KIZ: variants seen among roughly 807,000 people sequenced by gnomAD.
KIZ encodes centrosomal protein kizuna.
A neutral mutation model predicts 79.6 loss-of-function variants in KIZ; 68 were observed. The ratio of observed to expected loss-of-function variants is 0.85; its 90% CI spans 0.70 to 1.05. The LOEUF is 1.05. Ranked by LOEUF, KIZ falls within the 50% of genes least tolerant of loss-of-function variation. The probability of loss-of-function intolerance (pLI) is 0.00; values close to 1 mark genes in which losing one functional copy is unlikely to be tolerated. For missense variants in KIZ, 797 were observed against 800.4 expected (o/e 1.00, Z 0.05); for synonymous variants, 280 against 281.8 (o/e 0.99, Z 0.06).
intron 6 of KIZ, among the ~76,000 whole-genome samples, chr20:21,192,866 G>A (rs144646784): frequency 6.6e-6 from 1 of 152,342 alleles, no homozygotes; most frequent in African/African-American, 2.4e-5. Context: ...GGCCTGCAGA[G>A]TAGACAGTGG....
intron 11 of KIZ, among the ~76,000 whole-genome samples, chr20:21,243,741 G>A (rs1440222643): frequency 6.6e-6 from 1 of 152,168 alleles, no homozygotes; most frequent in African/African-American, 2.4e-5. Flanking sequence ...CCCTCTACCA[G>A]GTGTTTGTTT....
At chr20:21,165,903 A>C (rs906531868) in intron 6 of KIZ, among the ~76,000 whole-genome samples, 1 of 152,182 alleles carries the variant, frequency 6.6e-6, no homozygotes, top group Admixed American at 6.5e-5. Context: ...GGTTCAAGCT[A>C]TTCTGCCTCA....
chr20:21,204,176 C>T (rs532350887), intron 6 of KIZ, among the ~76,000 whole-genome samples: 4 of 117,366 alleles, frequency 3.4e-5, no homozygotes, highest in East Asian at 2.8e-4. Context: ...AGTGCAGTGG[C>T]GGGATCTCGG....
chr20:21,162,567 G>A, intron 5 of KIZ, 60 bp downstream of exon 5: 1 of 1,251,718 alleles, frequency 8.0e-7, no homozygotes, highest in Non-Finnish European at 1.1e-6. Flanking sequence ...TCTTATGTAA[G>A]GACAAAATAT....
chr20:21,186,841 T>C (rs957816298), intron 6 of KIZ, among the ~76,000 whole-genome samples: 1 of 152,110 alleles, frequency 6.6e-6, no homozygotes, highest in African/African-American at 2.4e-5. Flanking sequence ...ATTTATCCAT[T>C]CATAATACTT....
chr20:21,240,071 G>A (rs1279436847), intron 11 of KIZ, among the ~76,000 whole-genome samples: 1 of 152,132 alleles, frequency 6.6e-6, no homozygotes, highest in Non-Finnish European at 1.5e-5. Context: ...AAGCTACTGG[G>A]AAATTCTGCA....
chr20:21,162,329 C>T lies in KIZ; in HGVS notation c.864C>T (p.Thr288=), dbSNP rs141086448. 17 of 1,613,894 alleles carry T rather than the reference C, an allele frequency of 1.1e-5. No homozygotes were observed. In the African/African-American group the frequency reaches 2.3e-4, roughly 22 times the overall value. The part of the protein sequence containing the change: ...LRERLSPENR[T]TDLKCDSSSG... Reference sequence around the variant, plus strand: ...AAAGATTAAGTCCAGAGAACAGAACCACTGATTTAAAGTGTGACAGTTCCA... The same window carrying T: ...AAAGATTAAGTCCAGAGAACAGAACTACTGATTTAAAGTGTGACAGTTCCA... The change falls in exon 5 of 13, where the codon ACC becomes ACT. Residue 288 remains threonine (T), a synonymous_variant. Coordinates refer to ENST00000619189, the MANE Select transcript of KIZ (RefSeq NM_018474.6).
rs2034370023 is a variant in KIZ at position 21,174,915 on chromosome 20, C to T, written c.1352+11756C>T. ...GAACTATGTTCATTTAGAATTTACC[C>T]TGAATTCACTTTATAAGGAGCTGGA... On this transcript the variant is annotated intron_variant, in intron 6 of 12. Transcript: ENST00000619189. Among the ~76,000 whole-genome samples, 3 of 152,252 alleles carry T rather than the reference C, an allele frequency of 2.0e-5. No individual in the cohort carries two copies. In the South Asian group the frequency reaches 6.2e-4, roughly 32 times the overall value.
chr20:21,154,558 A>G (rs2033280822), intron 4 of KIZ, among the ~76,000 whole-genome samples: 2 of 152,256 alleles, frequency 1.3e-5, no homozygotes, highest in South Asian at 4.1e-4. Context: ...CTTGGATTAT[A>G]GATTTATCTC....
chr20:21,223,844 A>AT (rs2036578092), intron 9 of KIZ, among the ~76,000 whole-genome samples: 1 of 151,130 alleles, frequency 6.6e-6, no homozygotes, highest in South Asian at 2.1e-4. Context: ...TAATTTTTGT[A>AT]TTTTTGTATT....
intron 3 of KIZ, among the ~76,000 whole-genome samples, chr20:21,141,046 C>T (rs929301577): frequency 6.6e-6 from 1 of 151,888 alleles, no homozygotes; most frequent in African/African-American, 2.4e-5. Flanking sequence ...TTAAAAAAAC[C>T]CAAGAATGTA....
intron 11 of KIZ, among the ~76,000 whole-genome samples, chr20:21,240,931 A>G (rs1569008411): frequency 6.6e-6 from 1 of 152,208 alleles, no homozygotes; most frequent in Non-Finnish European, 1.5e-5. Context: ...TATGGCCCAC[A>G]AAGCCTGAAC....
intron 4 of KIZ, among the ~76,000 whole-genome samples, chr20:21,156,450 T>G (rs1186907930): frequency 6.6e-6 from 1 of 152,224 alleles, no homozygotes; most frequent in Non-Finnish European, 1.5e-5. Flanking sequence ...GACTTAACAT[T>G]GTAGTGTAAT....
chr20:21,224,897 A>G (rs1011609994), intron 9 of KIZ, among the ~76,000 whole-genome samples: 5 of 152,148 alleles, frequency 3.3e-5, no homozygotes, highest in African/African-American at 1.2e-4. Context: ...TCCTCTCCTT[A>G]ACATCATCTC....
At chr20:21,126,583 CA>C (rs1189630353) in intron 1 of KIZ, among the ~76,000 whole-genome samples, 1 of 152,166 alleles carries the variant, frequency 6.6e-6, no homozygotes, top group African/African-American at 2.4e-5. Context: ...CCACTCTCTT[CA>C]AATTGCCATC....
intron 6 of KIZ, 98 bp from the exon 7 acceptor site, chr20:21,205,393 G>T: frequency 1.8e-6 from 1 of 551,902 alleles, no homozygotes; most frequent in Non-Finnish European, 3.2e-6. Flanking sequence ...CAGACTTCTG[G>T]ATAAACCATC....
At chr20:21,234,787 A>AG (rs1342426452) in intron 11 of KIZ, among the ~76,000 whole-genome samples, 4 of 151,842 alleles carry the variant, frequency 2.6e-5, no homozygotes, top group Admixed American at 6.5e-5. Context: ...AAAAAAAAAA[A>AG]AAAAAAATGG....
chr20:21,166,013 C>CCTGA (rs2033914999), intron 6 of KIZ, among the ~76,000 whole-genome samples: 1 of 152,126 alleles, frequency 6.6e-6, no homozygotes, highest in African/African-American at 2.4e-5. Context: ...GTTGCCCAGG[C>CCTGA]TGGAGTGCAA....
intron 3 of KIZ, among the ~76,000 whole-genome samples, chr20:21,142,815 A>AAAT (rs1341580325): frequency 6.6e-6 from 1 of 151,782 alleles, no homozygotes; most frequent in Non-Finnish European, 1.5e-5. Flanking sequence ...ATAAATAAAT[A>AAAT]AAGTAAAATA....
Sources: gnomAD v4.1 joint callset for allele counts (sites outside exome capture counted in the v4.1 genomes callset) on GRCh38, gnomAD v4.1.1 for gene constraint, MANE v1.5 for transcripts, NCBI Gene and HGNC (gene_info 2026-07-23, HGNC 2026-07-21) for gene names.